The following NOTCH2 variants were observed in gnomAD, a reference collection of about 807,000 sequenced individuals.
NOTCH2 encodes notch receptor 2.
In NOTCH2, 29 loss-of-function variants were observed where a neutral mutation model predicts 235.8. That is an observed-to-expected ratio of 0.12 (90% CI 0.09 to 0.17). The LOEUF (loss-of-function observed/expected upper bound fraction) is 0.17. Ranked by LOEUF, NOTCH2 falls within the 10% of genes least tolerant of loss-of-function variation. The pLI, the probability that NOTCH2 is intolerant of heterozygous loss-of-function variation, is 1.00. For synonymous variants in NOTCH2, 1,086 were observed against 1,141.5 expected (o/e 0.95, Z 0.98); for missense variants, 2,285 against 3,150.2 (o/e 0.73, Z 6.57).
At position 120,005,399 on chromosome 1, in the gene NOTCH2, G is replaced by A. The variant is rs2101242306; in HGVS notation, c.345C>T (p.Cys115=). Residue 115 remains cysteine, a synonymous_variant, in exon 3 of 34, where the codon TGC becomes TGT. Coordinates refer to ENST00000256646, the MANE Select transcript of NOTCH2 (RefSeq NM_024408.4). ...TSHPCFVSRP[C]LNGGTCHMLS... ...GCATATGGCATGTGCCGCCATTCAG[G>A]CAGGGTCGAGACACAAAGCATGGAT... 2.5e-6 allele frequency: 4 copies of A among 1,614,046 alleles called. No homozygotes were observed. Among genetic ancestry groups the A allele is most frequent in the Non-Finnish European group, 3.4e-6 (4 of 1,179,876 alleles).
chr1:120,009,582 C>T (rs61787043), intron 2 of NOTCH2, among the ~76,000 whole-genome samples: 54 of 152,288 alleles, frequency 3.5e-4, no homozygotes, highest in East Asian at 2.3e-3. Context: ...CTTATCCCTC[C>T]GCAACAAAAC....
At chr1:119,950,586 T>C (rs1312529117) in intron 15 of NOTCH2, 138 bp downstream of exon 15, 1 of 729,022 alleles carries the variant, frequency 1.4e-6, no homozygotes, top group East Asian at 2.6e-5. Flanking sequence ...ATCCAGTCAG[T>C]AAAGGCAGGA....
chr1:120,065,803 T>C (rs1655483490), intron 1 of NOTCH2, among the ~76,000 whole-genome samples: 1 of 151,862 alleles, frequency 6.6e-6, no homozygotes, highest in Non-Finnish European at 1.5e-5. Context: ...CAGGAAAGGG[T>C]GGAAGGAAAA....
chr1:119,934,131 C>T (rs1158685326), intron 22 of NOTCH2, among the ~76,000 whole-genome samples: 1 of 152,210 alleles, frequency 6.6e-6, no homozygotes, highest in African/African-American at 2.4e-5. Flanking sequence ...AGTTTGACTG[C>T]ACCAAACCAC....
chr1:120,026,620 TG>T (rs1356416514), intron 2 of NOTCH2, among the ~76,000 whole-genome samples: 1 of 129,932 alleles, frequency 7.7e-6, no homozygotes, highest in Non-Finnish European at 1.7e-5. Flanking sequence ...CTGTGGAGGC[TG>T]GCAAAGCACT....
At chr1:119,936,069 G>C (rs376957210) in intron 21 of NOTCH2, among the ~76,000 whole-genome samples, 4 of 152,168 alleles carry the variant, frequency 2.6e-5, no homozygotes, top group African/African-American at 9.7e-5. Context: ...GTTGAGATAG[G>C]CTTAGGGGTA....
intron 10 of NOTCH2, 98 bp downstream of exon 10, chr1:119,965,355 G>T: frequency 1.0e-6 from 1 of 957,150 alleles, no homozygotes. Flanking sequence ...CTCTGGGAGT[G>T]GACTGGCCTG....
intron 5 of NOTCH2, among the ~76,000 whole-genome samples, chr1:119,973,678 T>C (rs1050497548): frequency 3.3e-5 from 5 of 151,908 alleles, no homozygotes; most frequent in Non-Finnish European, 7.4e-5. Context: ...AACACTCGTA[T>C]TAGAAAGGAA....
intron 1 of NOTCH2, among the ~76,000 whole-genome samples, chr1:120,053,657 C>A (rs2101405260): frequency 7.1e-6 from 1 of 141,420 alleles, no homozygotes; most frequent in East Asian, 1.9e-4. Context: ...TTTAGGTGAT[C>A]CATAATCTTG....
chr1:119,969,822 C>T, intron 5 of NOTCH2, 78 bp from the exon 6 acceptor site: 1 of 1,253,884 alleles, frequency 8.0e-7, no homozygotes, highest in Non-Finnish European at 1.2e-6. Context: ...CCACACTCTT[C>T]ATCTTCATGT....
intron 6 of NOTCH2, 61 bp downstream of exon 6, chr1:119,969,450 G>T: frequency 1.5e-6 from 2 of 1,354,052 alleles, no homozygotes; most frequent in Non-Finnish European, 2.1e-6. Context: ...GAAAGAGAAG[G>T]CAGAGTCCTG....
intron 1 of NOTCH2, among the ~76,000 whole-genome samples, chr1:120,039,439 C>T (rs1203152957): frequency 8.3e-5 from 12 of 145,002 alleles, no homozygotes; most frequent in Non-Finnish European, 1.3e-4. Flanking sequence ...GATGGAGTCT[C>T]GCTCTGTCGC....
intron 1 of NOTCH2, chr1:120,068,840 G>A (rs781958438): frequency 6.2e-6 from 3 of 485,246 alleles, no homozygotes; most frequent in South Asian, 3.2e-5. Context: ...CCACACACCC[G>A]GCCCATGTGC....
intron 5 of NOTCH2, among the ~76,000 whole-genome samples, chr1:119,984,619 C>T (rs587762992): frequency 6.6e-6 from 1 of 152,154 alleles, no homozygotes; most frequent in Non-Finnish European, 1.5e-5. Flanking sequence ...CCCTATGACA[C>T]AAAATTTTCC....
At chr1:119,932,421 CTA>C (rs1649698326) in intron 22 of NOTCH2, among the ~76,000 whole-genome samples, 3 of 152,178 alleles carry the variant, frequency 2.0e-5, no homozygotes, top group Admixed American at 2.0e-4. Flanking sequence ...AACCCTGTCT[CTA>C]TTAAAAATAC....
chr1:119,977,634 G>A (rs949735101), intron 5 of NOTCH2, among the ~76,000 whole-genome samples: 7 of 152,134 alleles, frequency 4.6e-5, no homozygotes, highest in Admixed American at 4.6e-4. Flanking sequence ...TATGCACTGA[G>A]TTATTTCTAG....
At chr1:120,045,915 T>C (rs1447500868) in intron 1 of NOTCH2, among the ~76,000 whole-genome samples, 4 of 152,274 alleles carry the variant, frequency 2.6e-5, no homozygotes, top group African/African-American at 4.8e-5. Flanking sequence ...ACTGGGGCAC[T>C]GGAAGAAATT....
intron 22 of NOTCH2, among the ~76,000 whole-genome samples, chr1:119,931,560 T>C (rs1485274372): frequency 6.6e-6 from 1 of 152,106 alleles, no homozygotes; most frequent in Non-Finnish European, 1.5e-5. Flanking sequence ...TAGAACGTTA[T>C]TGGTGAATTA....
At chr1:119,922,178 C>A (rs955833482) in intron 28 of NOTCH2, 58 bp downstream of exon 28, 2 of 1,533,098 alleles carry the variant, frequency 1.3e-6, no homozygotes, top group East Asian at 2.2e-5. Flanking sequence ...ACAAGATATG[C>A]TTTTCTAGTC....
Sources: gnomAD v4.1 joint callset for allele counts (sites outside exome capture counted in the v4.1 genomes callset) on GRCh38, gnomAD v4.1.1 for gene constraint, MANE v1.5 for transcripts, NCBI Gene and HGNC (gene_info 2026-07-23, HGNC 2026-07-21) for gene names.